The following RAPGEF1 variants were observed in gnomAD, a reference collection of about 807,000 sequenced individuals.
The protein encoded by RAPGEF1 is CRK SH3-binding GNRP.
A neutral mutation model predicts 143.3 loss-of-function variants in RAPGEF1; 33 were observed. The ratio of observed to expected loss-of-function variants is 0.23; its 90% CI spans 0.17 to 0.31. The LOEUF (loss-of-function observed/expected upper bound fraction) is 0.31. RAPGEF1 is among the 10% of genes least tolerant of loss of function. The pLI is 1.00. For missense variants in RAPGEF1, 1,199 were observed against 1,645.4 expected, an observed-to-expected ratio of 0.73 and a Z score of 4.69; for synonymous variants, 629 against 676.5, an observed-to-expected ratio of 0.93 and a Z score of 1.09.
At chr9:131,582,054 G>T (rs975742799) in intron 25 of RAPGEF1, among the ~76,000 whole-genome samples, 2 of 152,320 alleles carry the variant, frequency 1.3e-5, no homozygotes, top group South Asian at 2.1e-4. Context: ...ACAGACACTT[G>T]TTTGGTTTTG....
At chr9:131,581,977 C>A (rs1384588169) in intron 25 of RAPGEF1, among the ~76,000 whole-genome samples, 1 of 152,170 alleles carries the variant, frequency 6.6e-6, no homozygotes, top group Admixed American at 6.5e-5. Flanking sequence ...GATGCTGCTG[C>A]GCTTTTGGTC....
chr9:131,639,955 G>A (rs1967389644), intron 4 of RAPGEF1, among the ~76,000 whole-genome samples: 2 of 152,184 alleles, frequency 1.3e-5, no homozygotes, highest in South Asian at 2.1e-4. Context: ...GTTCCACTCT[G>A]CATGTTCCAA....
rs987997779 is a variant in RAPGEF1, at chr9:131,603,946, C to T, written c.2412+15G>A. ...AGGCCAGGCCACATGCAGGAGGCCG[C>T]CCGAGGTTACTTACTCCTCGAGAGG... On this transcript the variant is annotated intron_variant, in intron 14 of 26. Coordinates refer to ENST00000683357, the MANE Select transcript of RAPGEF1 (RefSeq NM_001377935.1). The T allele has an allele frequency of 3.8e-6, 5 of 1,305,594 alleles. No individual in the cohort carries two copies. In the African/African-American group the frequency reaches 4.5e-5, roughly 12 times the overall value. The allele number at this position is 1,305,594 out of a possible 1,614,324, so 80.9% of individuals were successfully genotyped here. A position where few individuals can be genotyped will look rare whatever the true frequency, so the allele number is the denominator to read the frequency against.
intron 1 of RAPGEF1, among the ~76,000 whole-genome samples, chr9:131,730,925 C>T (rs1356369952): frequency 6.6e-6 from 1 of 151,994 alleles, no homozygotes; most frequent in Non-Finnish European, 1.5e-5. Context: ...GATGGGGTGT[C>T]CTGTTAGTGC....
intron 1 of RAPGEF1, among the ~76,000 whole-genome samples, chr9:131,681,538 C>T (rs1291047721): frequency 6.6e-6 from 1 of 152,156 alleles, no homozygotes; most frequent in African/African-American, 2.4e-5. Flanking sequence ...TTGCTGTTTC[C>T]AGTCGGATGA....
At chr9:131,654,481 C>T (rs905568680) in intron 1 of RAPGEF1, among the ~76,000 whole-genome samples, 13 of 152,154 alleles carry the variant, frequency 8.5e-5, no homozygotes, top group Non-Finnish European at 1.3e-4. Flanking sequence ...GAGGCTGGGG[C>T]GGGAGGATCA....
intron 10 of RAPGEF1, among the ~76,000 whole-genome samples, 192 bp from the exon 11 acceptor site, chr9:131,622,190 C>T (rs1201008000): frequency 2.0e-5 from 3 of 152,136 alleles, no homozygotes; most frequent in East Asian, 1.9e-4. Flanking sequence ...GGAGGAGACA[C>T]GTCCAGACCG....
intron 1 of RAPGEF1, chr9:131,725,478 T>C: frequency 6.6e-6 from 1 of 152,066 alleles, no homozygotes; most frequent in Non-Finnish European, 1.5e-5. Context: ...TAATTTTCTT[T>C]TTCGGGGTCT....
Position 131,584,149 on chromosome 9 carries a change from G to A in RAPGEF1, c.3414+162C>T, listed in dbSNP as rs1229257532. ...GATTGGGGATCAGAGACAGGAAGGC[G>A]GGAGGGCAGCTGTTCTGGTCACACA... On this transcript the variant is annotated intron_variant, in intron 24 of 26. Coordinates refer to ENST00000683357, the MANE Select transcript of RAPGEF1 (RefSeq NM_001377935.1). The surrounding 1 kb of genome is among the most constrained non-coding windows in gnomAD (Gnocchi z 6.8). Among the ~76,000 whole-genome samples, 5 of 152,204 alleles carry A rather than the reference G, an allele frequency of 3.3e-5. No individual in the cohort carries two copies. Among genetic ancestry groups the A allele is most frequent in the Admixed American group, 3.3e-4 (5 of 15,284 alleles).
intron 1 of RAPGEF1, among the ~76,000 whole-genome samples, chr9:131,699,245 T>C: frequency 6.6e-6 from 1 of 151,122 alleles, no homozygotes; most frequent in East Asian, 1.9e-4. Context: ...GACACTTTTT[T>C]TTTTTTTTTT....
In RAPGEF1 at chr9:131,584,980, G is replaced by A. The variant is rs905845867; in HGVS notation, c.3234-384C>T. Among the ~76,000 whole-genome samples the A allele has an allele frequency of 1.3e-5, 2 of 152,168 alleles. No homozygotes were observed. Among genetic ancestry groups the A allele is most frequent in the African/African-American group, 4.8e-5 (2 of 41,440 alleles). On this transcript the variant is annotated intron_variant, in intron 22 of 26. Coordinates refer to ENST00000683357, the MANE Select transcript of RAPGEF1 (RefSeq NM_001377935.1). This position sits in a 1 kb window ranked among gnomAD's most constrained non-coding sequence, Gnocchi z 6.8. ...ATGCAGGACTGGCTCGGGGAGACCCGCTAGCACGTGAGGTAAGAGGTCACC... is the reference window on the plus strand; with the variant it reads ...ATGCAGGACTGGCTCGGGGAGACCCACTAGCACGTGAGGTAAGAGGTCACC...
intron 12 of RAPGEF1, among the ~76,000 whole-genome samples, chr9:131,614,096 T>C (rs549618004): frequency 1.6e-4 from 24 of 152,172 alleles, no homozygotes; most frequent in African/African-American, 5.5e-4. Flanking sequence ...GAGCACTCCA[T>C]GTGGACCGTG....
At chr9:131,592,854 G>A (rs1954575037) in intron 17 of RAPGEF1, among the ~76,000 whole-genome samples, 1 of 152,172 alleles carries the variant, frequency 6.6e-6, no homozygotes, top group Non-Finnish European at 1.5e-5. Context: ...GGGTTCAAGT[G>A]ATTCTCCTGC....
At chr9:131,619,260 G>C (rs1959989853) in intron 11 of RAPGEF1, 54 bp from the exon 12 acceptor site, 1 of 1,271,070 alleles carries the variant, frequency 7.9e-7, no homozygotes, top group Non-Finnish European at 1.0e-6. Context: ...GAGAAGCAGA[G>C]AACAGTCAGG....
rs11790668 is a variant in RAPGEF1, at chr9:131,667,108, G to T, written c.62-16159C>A. ...GGGTTCAAGTGATTCTCCTGCCTTG[G>T]CCTCCCTAGTAGCTGGGATTACAGG... On this transcript the variant is annotated intron_variant, in intron 1 of 26. Transcript: ENST00000683357. This position sits in a 1 kb window ranked among gnomAD's most constrained non-coding sequence, Gnocchi z 4.6. Among the ~76,000 whole-genome samples, 32,861 of 152,112 alleles carry T rather than the reference G, an allele frequency of 0.22. 4,175 individuals carry two copies. Among genetic ancestry groups the T allele is most frequent in the Non-Finnish European group, 0.29 (19,653 of 67,976 alleles).
At chr9:131,596,220 G>T in intron 17 of RAPGEF1, 78 bp downstream of exon 17, 1 of 1,366,262 alleles carries the variant, frequency 7.3e-7, no homozygotes, top group Non-Finnish European at 1.0e-6. Flanking sequence ...TGCCAGGAGG[G>T]GACAGGATAG....
At chr9:131,690,335 CATT>C (rs2131010620) in intron 1 of RAPGEF1, among the ~76,000 whole-genome samples, 1 of 152,182 alleles carries the variant, frequency 6.6e-6, no homozygotes, top group East Asian at 1.9e-4. Flanking sequence ...GAAAGAGAAA[CATT>C]AGAGGACAAA....
chr9:131,602,447 A>G (rs1023666627), intron 14 of RAPGEF1, among the ~76,000 whole-genome samples: 2 of 152,164 alleles, frequency 1.3e-5, no homozygotes, highest in Admixed American at 6.5e-5. Context: ...ACTCCCCCCG[A>G]GCACAGCCAG....
At chr9:131,590,114 G>C (rs1013332101) in intron 18 of RAPGEF1, 136 bp from the exon 19 acceptor site, 1 of 747,702 alleles carries the variant, frequency 1.3e-6, no homozygotes, top group Admixed American at 2.0e-5. Flanking sequence ...ATCCAGAAAC[G>C]AGGGCACGGG....
Sources: allele counts gnomAD v4.1 joint callset (sites outside exome capture counted in the v4.1 genomes callset), GRCh38; gene constraint gnomAD v4.1.1; non-coding constraint Gnocchi (gnomAD v3.1); transcripts MANE v1.5; gene names NCBI Gene and HGNC (gene_info 2026-07-23, HGNC 2026-07-21).